ZNF512B: variants seen among roughly 807,000 people sequenced by gnomAD.
The protein encoded by ZNF512B is zinc finger protein 512B.
ZNF512B carries 22 observed loss-of-function variants against 87.8 expected under a neutral mutation model. The ratio of observed to expected loss-of-function variants is 0.25; its 90% CI spans 0.18 to 0.36. The LOEUF is 0.36. Among genes scored for constraint, ZNF512B ranks in the 10% least tolerant of loss-of-function variants. The probability of loss-of-function intolerance (pLI) is 1.00; values close to 1 mark genes in which losing one functional copy is unlikely to be tolerated. For missense variants in ZNF512B, 1,060 were observed against 1,231.6 expected (o/e 0.86, Z 2.09); for synonymous variants, 524 against 490.9 (o/e 1.07, Z -0.89).
In ZNF512B at chr20:63,963,680, G is replaced by A. The variant is rs149218980; in HGVS notation, c.1636C>T (p.Arg546Trp). The A allele has an allele frequency of 3.1e-5, 50 of 1,613,404 alleles. No individual in the cohort carries two copies. Among genetic ancestry groups the A allele is most frequent in the African/African-American group, 1.2e-4 (9 of 74,932 alleles). ...LQDALKCQHC[R>W]KQFKSKAGLN... Reference sequence around the variant, plus strand: ...CCGGCTTTGGACTTGAACTGCTTCCGGCAGTGCTGGCACTTGAGTGCATCC... The same window carrying A: ...CCGGCTTTGGACTTGAACTGCTTCCAGCAGTGCTGGCACTTGAGTGCATCC... The change falls in exon 10 of 17, where the codon CGG (arginine) becomes TGG (tryptophan). Residue 546 changes from arginine to tryptophan, a missense_variant. Coordinates refer to ENST00000369888, the MANE Select transcript of ZNF512B (RefSeq NM_020713.3).
At position 63,962,639 on chromosome 20, in the gene ZNF512B, C is replaced by A; in HGVS notation, c.2111G>T (p.Arg704Leu). Residue 704 changes from arginine (R) to leucine (L), a missense_variant, in exon 13 of 17, where the codon CGC (arginine) becomes CTC (leucine). By Grantham distance (102) the Arg-to-Leu change is moderately radical. Around this residue, in one of 9 missense-constraint regions of ZNF512B, gnomAD observed 253 missense variants for 259.2 expected, o/e 0.98. Transcript: ENST00000369888. Reference sequence around the variant, plus strand: ...CTTCATGCGCCGCTTGGTCCAGTCGCGGGCCAGCTCGTCCTCCGCTATCTC... The same window carrying A: ...CTTCATGCGCCGCTTGGTCCAGTCGAGGGCCAGCTCGTCCTCCGCTATCTC... ...LQEIAEDELA[R>L]DWTKRRMKDD... 1.9e-6 allele frequency: 3 copies of A among 1,606,900 alleles called. No individual in the cohort carries two copies. Among genetic ancestry groups the A allele is most frequent in the Non-Finnish European group, 2.5e-6 (3 of 1,178,392 alleles).
At chr20:63,960,910 G>C (rs1019486056) in intron 16 of ZNF512B, among the ~76,000 whole-genome samples, 8 of 148,648 alleles carry the variant, frequency 5.4e-5, no homozygotes, top group Non-Finnish European at 1.0e-4. Flanking sequence ...ACAGCCTTCA[G>C]GACCAGGCAA....
rs750636185 is a variant in ZNF512B, at chr20:63,962,266, C to T, written c.2265+7G>A. 37 of 1,606,702 alleles carry T rather than the reference C, an allele frequency of 2.3e-5. No individual in the cohort carries two copies. Among genetic ancestry groups the T allele is most frequent in the Middle Eastern group, 3.4e-4 (2 of 5,924 alleles). On this transcript the variant is annotated splice_region_variant and intron_variant, in intron 14 of 16. Coordinates refer to ENST00000369888, the MANE Select transcript of ZNF512B (RefSeq NM_020713.3). ...CCCACGCCCCCCACCCGGCTGCCTC[C>T]GCTCACGTCGTTGGGACAGTTGACG... is the stretch of plus-strand genomic sequence containing the variant.
rs200686119 is a variant in ZNF512B at position 63,962,387 on chromosome 20, C to T, written c.2164-13G>A. Reference sequence around the variant, plus strand: ...GAGTGTAGTTGAGCTGTGAATTCGACAGCACCAGGGTGAGCCTGAGGCCAG... The same window carrying T: ...GAGTGTAGTTGAGCTGTGAATTCGATAGCACCAGGGTGAGCCTGAGGCCAG... On this transcript the variant is annotated splice_polypyrimidine_tract_variant and intron_variant, in intron 13 of 16. Coordinates refer to ENST00000369888, the MANE Select transcript of ZNF512B (RefSeq NM_020713.3). The T allele has an allele frequency of 2.2e-4, 348 of 1,608,750 alleles. No individual in the cohort carries two copies. Among genetic ancestry groups the T allele is most frequent in the Admixed American group, 3.5e-4 (21 of 59,304 alleles).
chr20:63,967,530 C>T lies in ZNF512B; in HGVS notation c.122-7G>A. The stretch of plus-strand genomic sequence containing the variant: ...CCACGGACCACCGGCATCCCTGCAG[C>T]ACACAACACAGCAAGGCTCGGAAGC... On this transcript the variant is annotated splice_region_variant and splice_polypyrimidine_tract_variant and intron_variant, in intron 2 of 16. Transcript: ENST00000369888. 6.3e-7 allele frequency: 1 copy of T among 1,591,200 alleles called. No individual in the cohort carries two copies. The highest frequency in any genetic ancestry group is 8.6e-7 in the Non-Finnish European group (1 of 1,167,020).
intron 14 of ZNF512B, 117 bp downstream of exon 14, chr20:63,962,156 G>A (rs530950282): frequency 7.7e-7 from 1 of 1,303,720 alleles, no homozygotes; most frequent in African/African-American, 1.5e-5. Context: ...TGTGAGGCCT[G>A]GGGTGGGCTT....
In ZNF512B at chr20:63,969,050, G is replaced by A. The variant is rs908743403; in HGVS notation, c.-3+764C>T. ...TGTCCAGGAGGGCCAGAGAGCTGAG[G>A]TCAGAGGTCAGGACAGTCACTGCCC... On this transcript the variant is annotated intron_variant, in intron 1 of 16. Coordinates refer to ENST00000369888, the MANE Select transcript of ZNF512B (RefSeq NM_020713.3). 4 of 916,528 alleles carry A rather than the reference G, an allele frequency of 4.4e-6. No homozygotes were observed. In the African/African-American group the frequency reaches 5.4e-5, roughly 12 times the overall value. 56.8% of individuals were successfully genotyped at this position (916,528 alleles called of 1,614,324 possible). A position where few individuals can be genotyped will look rare whatever the true frequency, so the allele number is the denominator to read the frequency against.
At position 63,963,679 on chromosome 20, in the gene ZNF512B, C is replaced by T. The variant is rs138304383; in HGVS notation, c.1637G>A (p.Arg546Gln). 78 of 1,613,536 alleles carry T rather than the reference C, an allele frequency of 4.8e-5. No homozygotes were observed. In the African/African-American group the frequency reaches 7.2e-4, roughly 15 times the overall value. ...GCCGGCTTTGGACTTGAACTGCTTC[C>T]GGCAGTGCTGGCACTTGAGTGCATC... ...LQDALKCQHC[R>Q]KQFKSKAGLN... The change falls in exon 10 of 17, where the codon CGG becomes CAG. Residue 546 changes from arginine to glutamine, a missense_variant. Coordinates refer to ENST00000369888, the MANE Select transcript of ZNF512B (RefSeq NM_020713.3).
At position 63,956,976 on chromosome 20, in the gene ZNF512B, C is replaced by T. The variant is rs2058730440; in HGVS notation, c.*2912G>A. On this transcript the variant is annotated 3_prime_UTR_variant, in exon 17 of 17. Transcript: ENST00000369888. ...GTACTGAGAACTGGCATTAAAAAAC[C>T]CAAACCAAGAAACCCAAAGCACGGG... is the stretch of plus-strand genomic sequence containing the variant. 6.6e-6 allele frequency: 1 copy of T among 152,570 alleles called. No homozygotes were observed. Among genetic ancestry groups the T allele is most frequent in the African/African-American group, 2.4e-5 (1 of 41,460 alleles). The allele number at this position is 152,570 out of a possible 1,614,324, so 9.5% of individuals were successfully genotyped here. A position where few individuals can be genotyped will look rare whatever the true frequency, so the allele number is the denominator to read the frequency against.
chr20:63,969,123 C>T (rs2058955489), intron 1 of ZNF512B: 1 of 985,358 alleles, frequency 1.0e-6, no homozygotes, highest in East Asian at 1.1e-4. Flanking sequence ...CTCTGGAAGT[C>T]CTCACTTTGC....
Position 63,966,337 on chromosome 20 carries a change from T to G in ZNF512B, c.838A>C (p.Lys280Gln), listed in dbSNP as rs546032250. ...VPVTKPITVT[K>Q]LVTVTKPVPV... ...ACGGGTTTCGTAACTGTCACAAGCTTTGTTACCGTAATGGGTTTGGTGACA... is the reference window on the plus strand; with the variant it reads ...ACGGGTTTCGTAACTGTCACAAGCTGTGTTACCGTAATGGGTTTGGTGACA... The change falls in exon 5 of 17, where the codon AAG becomes CAG. Residue 280 changes from lysine to glutamine, a missense_variant. Lys to Gln is a moderately conservative substitution (Grantham distance 53). This residue lies in a region of ZNF512B where 201 missense variants were observed against 226.8 expected (regional missense o/e 0.89). Transcript: ENST00000369888. 1.9e-5 allele frequency: 31 copies of G among 1,595,046 alleles called. 1 individual carries two copies. The South Asian group carries it at 2.5e-4, about 13-fold the overall frequency.
Position 63,966,743 on chromosome 20 carries a change from G to A in ZNF512B, c.432C>T (p.Phe144=), listed in dbSNP as rs769044266. ...ISDRLAFPCP[F]CEAAFTSKTQ... ...TCTTAGAGGTGAATGCGGCCTCGCA[G>A]AAGGGGCAGGGGAAGGCCAGGCGAT... The change falls in exon 5 of 17, where the codon TTC becomes TTT. Residue 144 remains phenylalanine, a synonymous_variant. Transcript: ENST00000369888. 6.2e-7 allele frequency: 1 copy of A among 1,602,456 alleles called. No individual in the cohort carries two copies. Among genetic ancestry groups the A allele is most frequent in the Non-Finnish European group, 8.5e-7 (1 of 1,174,520 alleles).
At chr20:63,960,211 GCTGAAGAC>G in intron 16 of ZNF512B, 72 bp from the exon 17 acceptor site, 1 of 1,580,858 alleles carries the variant, frequency 6.3e-7, no homozygotes, top group Non-Finnish European at 8.6e-7. Context: ...TAGCCTGAGA[GCTGAAGAC>G]CTGTCAGCCT....
Position 63,964,083 on chromosome 20 carries a change from G to A in ZNF512B, c.1468C>T (p.His490Tyr), listed in dbSNP as rs952500940. ...VSKEAPAPVA[H>Y]PAPGGPEEQW... ...AGGCAGCCCCTACCTGGAGCTGGGT[G>A]GGCCACAGGGGCCGGTGCCTCCTTG... is the stretch of plus-strand genomic sequence containing the variant. Residue 490 changes from histidine (H) to tyrosine (Y), a missense_variant, in exon 8 of 17, where the codon CAC (histidine) becomes TAC (tyrosine). This residue lies in a region of ZNF512B where 212 missense variants were observed against 207.6 expected (regional missense o/e 1.02). Transcript: ENST00000369888. 1.2e-6 allele frequency: 2 copies of A among 1,608,764 alleles called. No individual in the cohort carries two copies. The highest frequency in any genetic ancestry group is 2.7e-5 in the African/African-American group (2 of 74,994).
chr20:63,967,219 C>T (rs1171786224), intron 3 of ZNF512B, among the ~76,000 whole-genome samples, 162 bp downstream of exon 3: 1 of 152,242 alleles, frequency 6.6e-6, no homozygotes, highest in Non-Finnish European at 1.5e-5. Context: ...AATCTCCCGG[C>T]ACATCAGATA....
chr20:63,962,183 C>T, intron 14 of ZNF512B, 90 bp downstream of exon 14: 1 of 1,424,412 alleles, frequency 7.0e-7, no homozygotes, highest in South Asian at 1.3e-5. Context: ...CTCCTGAAAG[C>T]TCTCAGCCTC....
chr20:63,960,043 T>G lies in ZNF512B; in HGVS notation c.2524A>C (p.Lys842Gln), dbSNP rs763503690. The change falls in exon 17 of 17, where the codon AAG (lysine) becomes CAG (glutamine). Residue 842 changes from lysine to glutamine, a missense_variant. Around this residue, in one of 9 missense-constraint regions of ZNF512B, gnomAD observed 253 missense variants for 259.2 expected, o/e 0.98. Coordinates refer to ENST00000369888, the MANE Select transcript of ZNF512B (RefSeq NM_020713.3). ...TCCTTGGGCTTTCGGCCCCGCTTCT[T>G]TCCACCTGCCAGATTTTTCTTCTTT... ...KEKKKNLAGG[K>Q]KRGRKPKERT... 1 of 1,613,946 alleles carries G rather than the reference T, an allele frequency of 6.2e-7. No individual in the cohort carries two copies. Among genetic ancestry groups the G allele is most frequent in the South Asian group, 1.1e-5 (1 of 91,090 alleles).
In ZNF512B at chr20:63,966,766, G is replaced by A. The variant is rs762010173; in HGVS notation, c.409C>T (p.Arg137Cys). Residue 137 changes from arginine to cysteine, a missense_variant, in exon 5 of 17, where the codon CGC (arginine) becomes TGC (cysteine). Arg to Cys is a radical substitution (Grantham distance 180). Around this residue, in one of 9 missense-constraint regions of ZNF512B, gnomAD observed 32 missense variants for 68.0 expected, o/e 0.47. Coordinates refer to ENST00000369888, the MANE Select transcript of ZNF512B (RefSeq NM_020713.3). ...QRCQGGAISD[R>C]LAFPCPFCEA... ...CAGAAGGGGCAGGGGAAGGCCAGGC[G>A]ATCTGAGATGGCACCCTGGGCAGGG... The A allele has an allele frequency of 6.9e-6, 11 of 1,597,600 alleles. No individual in the cohort carries two copies. The highest frequency in any genetic ancestry group is 2.2e-5 in the South Asian group (2 of 88,906).
chr20:63,960,188 C>T (rs2058834504), intron 16 of ZNF512B, 49 bp from the exon 17 acceptor site: 3 of 1,605,244 alleles, frequency 1.9e-6, no homozygotes, highest in Non-Finnish European at 2.6e-6. Context: ...ATGCTGAGCA[C>T]CTGAGCCAGG....
Sources: gnomAD v4.1 joint callset for allele counts (sites outside exome capture counted in the v4.1 genomes callset) on GRCh38, gnomAD v4.1.1 for gene constraint, gnomAD v4.1.1 regional missense constraint, MANE v1.5 for transcripts, NCBI Gene and HGNC (gene_info 2026-07-23, HGNC 2026-07-21) for gene names.